Variants in GET4 observed in about 807,000 individuals in gnomAD.
GET4 encodes the protein Golgi to ER traffic protein 4 homolog.
A neutral mutation model predicts 40.0 loss-of-function variants in GET4; 20 were observed. The ratio of observed to expected loss-of-function variants is 0.50; its 90% CI spans 0.35 to 0.73. GET4 has a LOEUF of 0.73. Ranked by LOEUF, GET4 falls within the 30% of genes least tolerant of loss-of-function variation. The probability of loss-of-function intolerance (pLI) is 0.01; values close to 1 mark genes in which losing one functional copy is unlikely to be tolerated. For missense variants in GET4, 557 were observed against 454.0 expected, an observed-to-expected ratio of 1.23 and a Z score of -2.06; for synonymous variants, 280 against 194.6, an observed-to-expected ratio of 1.44 and a Z score of -3.65.
chr7:894,015 G>A (rs376844259), intron 8 of GET4, 44 bp downstream of exon 8: 17 of 1,361,504 alleles, frequency 1.2e-5, no homozygotes, highest in South Asian at 2.7e-5. Flanking sequence ...GCCCTGGGTC[G>A]GTGTGGGGTC....
chr7:887,872 C>T (rs1340883859), intron 4 of GET4, among the ~76,000 whole-genome samples: 1 of 152,192 alleles, frequency 6.6e-6, no homozygotes, highest in African/African-American at 2.4e-5. Context: ...TTCTCCTTTA[C>T]GCTGACCTCA....
At chr7:891,590 A>G (rs574554288) in intron 5 of GET4, among the ~76,000 whole-genome samples, 3 of 152,180 alleles carry the variant, frequency 2.0e-5, no homozygotes, top group South Asian at 2.1e-4. Flanking sequence ...TGCCTGCTCC[A>G]GGGGCTGGCC....
At chr7:894,035 G>A (rs1412133419) in intron 8 of GET4, 64 bp downstream of exon 8, 1 of 1,079,278 alleles carries the variant, frequency 9.3e-7, no homozygotes, top group Admixed American at 2.5e-5. Flanking sequence ...CATCATCTCT[G>A]CCCAGGCAGG....
Position 892,382 on chromosome 7 carries a change from T to C in GET4, c.710T>C (p.Leu237Pro), listed in dbSNP as rs1345472341. Reference sequence around the variant, plus strand: ...GGGCCTCCGTTTGTGGAGCCGCTGCTTAACTTCATCTGGTTCCTGCTGCTG... The same window carrying C: ...GGGCCTCCGTTTGTGGAGCCGCTGCCTAACTTCATCTGGTTCCTGCTGCTG... Reference protein sequence around the residue: ...EDGPPFVEPLLNFIWFLLLAV... With the variant: ...EDGPPFVEPLPNFIWFLLLAV... The change falls in exon 6 of 9, where the codon CTT becomes CCT. Residue 237 changes from leucine to proline, a missense_variant. By Grantham distance (98) the Leu-to-Pro change is moderately conservative (BLOSUM62 -3). Coordinates refer to ENST00000265857, the MANE Select transcript of GET4 (RefSeq NM_015949.3). 6.3e-7 allele frequency: 1 copy of C among 1,593,608 alleles called. No individual in the cohort carries two copies. The highest frequency in any genetic ancestry group is 8.6e-7 in the Non-Finnish European group (1 of 1,163,250).
rs73252033 is a variant in GET4 at position 889,574 on chromosome 7, C to T, written c.467-1354C>T. Among the ~76,000 whole-genome samples the T allele has an allele frequency of 7.7e-3, 1,170 of 151,958 alleles. 17 individuals carry two copies. Among genetic ancestry groups the T allele is most frequent in the African/African-American group, 0.027 (1,118 of 41,436 alleles). ...GGGCCCACTAGGTGGGAGAGGCAGG[C>T]GCCTGGTGAGTGCTGAGATCTGCAC... is the stretch of plus-strand genomic sequence containing the variant. On this transcript the variant is annotated intron_variant, in intron 4 of 8. Transcript: ENST00000265857.
chr7:885,226 G>A lies in GET4; in HGVS notation c.156-830G>A, dbSNP rs971611475. The A allele has an allele frequency of 3.3e-5, 5 of 152,358 alleles. No homozygotes were observed. In the East Asian group the frequency reaches 5.8e-4, roughly 18 times the overall value. The allele number at this position is 152,358 out of a possible 1,614,324, so 9.4% of individuals were successfully genotyped here. A position where few individuals can be genotyped will look rare whatever the true frequency, so the allele number is the denominator to read the frequency against. On this transcript the variant is annotated intron_variant, in intron 1 of 8. Transcript: ENST00000265857. The stretch of plus-strand genomic sequence containing the variant: ...TAAGGCAGCGATCATTAAGAAAAAC[G>A]TGTAGCCAATGAAATAACATGTTCT...
In GET4 at chr7:895,663, C is replaced by A. The variant is rs1844466438; in HGVS notation, c.*241C>A. On this transcript the variant is annotated 3_prime_UTR_variant, in exon 9 of 9. Transcript: ENST00000265857. ...GCCGCCGCGTCCCCCGAGATTGACC[C>A]ACAATAAAGCACAGGCCTTACCGCG... 5.1e-6 allele frequency: 2 copies of A among 389,926 alleles called. No homozygotes were observed. Among genetic ancestry groups the A allele is most frequent in the African/African-American group, 2.1e-5 (1 of 47,754 alleles). The allele number at this position is 389,926 out of a possible 1,614,324, so 24.2% of individuals were successfully genotyped here. A position where few individuals can be genotyped will look rare whatever the true frequency, so the allele number is the denominator to read the frequency against.
chr7:892,888 A>G (rs1331272464), intron 6 of GET4, among the ~76,000 whole-genome samples: 2 of 140,982 alleles, frequency 1.4e-5, no homozygotes, highest in Non-Finnish European at 1.5e-5. Context: ...TTGTGTGTAG[A>G]CGTGTGGGTA....
At chr7:886,690 G>C (rs368958190) in intron 3 of GET4, 40 bp downstream of exon 3, 1 of 1,359,160 alleles carries the variant, frequency 7.4e-7, no homozygotes, top group Admixed American at 1.7e-5. Flanking sequence ...CTGTGACAGC[G>C]GCCCCAGTAC....
At chr7:884,460 C>T in intron 1 of GET4, 2 of 938,180 alleles carry the variant, frequency 2.1e-6, no homozygotes, top group South Asian at 1.6e-5. Flanking sequence ...TGCCAACGGC[C>T]TGCAGGCTGA....
At chr7:881,334 C>G (rs538038521) in intron 1 of GET4, 2 of 152,118 alleles carry the variant, frequency 1.3e-5, no homozygotes. Flanking sequence ...CTCCTCGCCC[C>G]CACTCCCACC....
At chr7:880,293 G>A (rs1202631009) in intron 1 of GET4, 1 of 152,326 alleles carries the variant, frequency 6.6e-6, no homozygotes, top group East Asian at 1.9e-4. Context: ...GTGAGCCGAG[G>A]TCACGCCACT....
intron 3 of GET4, chr7:886,978 T>C (rs1844202422): frequency 3.9e-6 from 2 of 514,748 alleles, no homozygotes; most frequent in Non-Finnish European, 7.2e-6. Flanking sequence ...GCCTGTCCTG[T>C]CGGGTGACGT....
chr7:878,035 CCT>C, intron 1 of GET4: 1 of 258,234 alleles, frequency 3.9e-6, no homozygotes, highest in South Asian at 3.8e-5. Context: ...CGCTGGCGTT[CCT>C]CTCACCGAGG....
chr7:890,647 A>C (rs1384894212), intron 4 of GET4, among the ~76,000 whole-genome samples: 1 of 152,114 alleles, frequency 6.6e-6, no homozygotes, highest in African/African-American at 2.4e-5. Flanking sequence ...TGGTTATCAC[A>C]ACGAACATTA....
chr7:887,000 A>G, intron 3 of GET4: 1 of 514,642 alleles, frequency 1.9e-6, no homozygotes, highest in South Asian at 1.9e-5. Context: ...CGGTTGGCAG[A>G]GCCCTTCTGT....
chr7:895,207 G>A, intron 8 of GET4, 127 bp from the exon 9 acceptor site: 1 of 577,660 alleles, frequency 1.7e-6, no homozygotes. Context: ...GTAGACAGTA[G>A]CGATGTGAGG....
chr7:893,029 G>T (rs1243101580), intron 6 of GET4, among the ~76,000 whole-genome samples: 1 of 149,490 alleles, frequency 6.7e-6, no homozygotes, highest in Non-Finnish European at 1.5e-5. Flanking sequence ...AGGGGTGTAG[G>T]CGTGTGTGCA....
intron 8 of GET4, among the ~76,000 whole-genome samples, 155 bp downstream of exon 8, chr7:894,126 T>A (rs1227733218): frequency 6.6e-6 from 1 of 152,220 alleles, no homozygotes; most frequent in Non-Finnish European, 1.5e-5. Flanking sequence ...AGGAAATTAT[T>A]AGATTTCAGA....
Sources: allele counts gnomAD v4.1 joint callset (sites outside exome capture counted in the v4.1 genomes callset), GRCh38; gene constraint gnomAD v4.1.1; transcripts MANE v1.5; gene names NCBI Gene and HGNC (gene_info 2026-07-23, HGNC 2026-07-21).